PTPRT: variants seen among roughly 807,000 people sequenced by gnomAD.
PTPRT encodes the protein receptor-type tyrosine-protein phosphatase T.
A neutral mutation model predicts 176.8 loss-of-function variants in PTPRT; 56 were observed. That is an observed-to-expected ratio of 0.32 (90% CI 0.26 to 0.40). The LOEUF is 0.40. Ranked by LOEUF, PTPRT falls within the 10% of genes least tolerant of loss-of-function variation. The pLI, the probability that PTPRT is intolerant of heterozygous loss-of-function variation, is 1.00. For synonymous variants in PTPRT, 783 were observed against 739.0 expected (o/e 1.06, Z -0.96); for missense variants, 1,540 against 1,908.2 (o/e 0.81, Z 3.60).
At chr20:42,962,416 G>C (rs769727737) in intron 1 of PTPRT, among the ~76,000 whole-genome samples, 1 of 151,348 alleles carries the variant, frequency 6.6e-6, no homozygotes, top group Admixed American at 6.6e-5. Flanking sequence ...AGACAAAAGA[G>C]ATATGTTATA....
chr20:43,130,367 G>A (rs1194635254), intron 1 of PTPRT, among the ~76,000 whole-genome samples: 3 of 152,022 alleles, frequency 2.0e-5, no homozygotes, highest in Non-Finnish European at 4.4e-5. Context: ...CACCAGGTAG[G>A]AGCAGAAATA....
intron 11 of PTPRT, among the ~76,000 whole-genome samples, chr20:42,333,079 C>T (rs1162996696): frequency 1.3e-5 from 2 of 152,108 alleles, no homozygotes; most frequent in Non-Finnish European, 2.9e-5. Flanking sequence ...GAGGAGAATA[C>T]CCACAATGAT....
intron 7 of PTPRT, among the ~76,000 whole-genome samples, chr20:42,583,750 G>A (rs991526207): frequency 6.6e-6 from 1 of 152,118 alleles, no homozygotes. Flanking sequence ...TCTATTATGT[G>A]AATGTAAACC....
intron 6 of PTPRT, among the ~76,000 whole-genome samples, chr20:42,724,620 CT>C (rs2076351008): frequency 6.6e-6 from 1 of 152,162 alleles, no homozygotes; most frequent in Admixed American, 6.5e-5. Context: ...TTCCTCAATT[CT>C]GCTCATATCC....
intron 1 of PTPRT, among the ~76,000 whole-genome samples, chr20:42,939,150 T>G (rs144854306): frequency 1.1e-3 from 175 of 152,234 alleles, no homozygotes; most frequent in African/African-American, 4.1e-3. Flanking sequence ...ATTAAATGAG[T>G]TTTCCCCAAA....
In PTPRT at chr20:42,885,848, T is replaced by A; in HGVS notation, c.173A>T (p.Asn58Ile). The A allele has an allele frequency of 1.9e-6, 3 of 1,610,506 alleles. No individual in the cohort carries two copies. Among genetic ancestry groups the A allele is most frequent in the Non-Finnish European group, 1.7e-6 (2 of 1,177,624 alleles). The change falls in exon 2 of 31, where the codon AAC becomes ATC. Residue 58 changes from asparagine (N) to isoleucine (I), a missense_variant. Coordinates refer to ENST00000373187, the MANE Select transcript of PTPRT (RefSeq NM_007050.6). The stretch of plus-strand genomic sequence containing the variant: ...GTCCAGCATTGGTTTCTCCCATGTG[T>A]TAATCTGCTCCCAGGTGAACCCATT... Reference protein sequence around the residue: ...GTNGFTWEQINTWEKPMLDQA... With the variant: ...GTNGFTWEQIITWEKPMLDQA...
At position 42,104,652 on chromosome 20, in the gene PTPRT, C is replaced by T; in HGVS notation, c.3457G>A (p.Val1153Met). ...ACLCGNTAIP[V>M]CEFRSLYYNI... ...TAGTAGAGAGAACGGAACTCACACACAGGGATGGCAGTGTTGCCACAGAGG... is the reference window on the plus strand; with the variant it reads ...TAGTAGAGAGAACGGAACTCACACATAGGGATGGCAGTGTTGCCACAGAGG... Residue 1153 changes from valine (V) to methionine (M), a missense_variant, in exon 25 of 31, where the codon GTG becomes ATG. By Grantham distance (21) the Val-to-Met change is conservative (BLOSUM62 1). Around this residue, in one of 11 missense-constraint regions of PTPRT, gnomAD observed 342 missense variants for 394.0 expected, o/e 0.87. Coordinates refer to ENST00000373187, the MANE Select transcript of PTPRT (RefSeq NM_007050.6). The T allele has an allele frequency of 6.3e-7, 1 of 1,598,998 alleles. No homozygotes were observed. The highest frequency in any genetic ancestry group is 8.6e-7 in the Non-Finnish European group (1 of 1,166,184).
At position 42,186,336 on chromosome 20, in the gene PTPRT, G is replaced by A. The variant is rs143147067; in HGVS notation, c.2491+12904C>T. The stretch of plus-strand genomic sequence containing the variant: ...AGCTTTATTCTAATAAAGACAGAGT[G>A]CACTGGATTTGGCCTATGGGCCTCC... On this transcript the variant is annotated intron_variant, in intron 16 of 30. Coordinates refer to ENST00000373187, the MANE Select transcript of PTPRT (RefSeq NM_007050.6). Among the ~76,000 whole-genome samples the A allele has an allele frequency of 2.2e-4, 34 of 152,070 alleles. 1 individual carries two copies. The East Asian group carries it at 6.7e-3, about 30-fold the overall frequency.
At chr20:43,045,042 T>C (rs1320285160) in intron 1 of PTPRT, among the ~76,000 whole-genome samples, 1 of 152,154 alleles carries the variant, frequency 6.6e-6, no homozygotes, top group East Asian at 1.9e-4. Context: ...GGAAGGAACA[T>C]CTCCTCAGGA....
At chr20:42,250,171 C>T (rs533563009) in intron 13 of PTPRT, among the ~76,000 whole-genome samples, 2 of 152,342 alleles carry the variant, frequency 1.3e-5, no homozygotes, top group African/African-American at 2.4e-5. Flanking sequence ...TTTGTTTTCA[C>T]ATCTGTCTCC....
intron 15 of PTPRT, among the ~76,000 whole-genome samples, chr20:42,204,788 AGGAAT>A (rs2055410982): frequency 6.6e-6 from 1 of 151,878 alleles, no homozygotes; most frequent in African/African-American, 2.4e-5. Context: ...CTCACGGGAG[AGGAAT>A]GAAGGGCTGT....
At chr20:42,128,864 A>G (rs1987989375) in intron 18 of PTPRT, 34 bp from the exon 19 acceptor site, 1 of 1,561,698 alleles carries the variant, frequency 6.4e-7, no homozygotes, top group Non-Finnish European at 8.7e-7. Context: ...GGGATGGTTG[A>G]TAAGAGGCCT....
chr20:42,722,437 T>C (rs2076318094), intron 6 of PTPRT, among the ~76,000 whole-genome samples: 1 of 152,188 alleles, frequency 6.6e-6, no homozygotes, highest in South Asian at 2.1e-4. Flanking sequence ...GTCTCTTCTC[T>C]GATCTGACAT....
chr20:42,526,101 C>G (rs1207549090), intron 7 of PTPRT, among the ~76,000 whole-genome samples: 1 of 151,852 alleles, frequency 6.6e-6, no homozygotes, highest in Admixed American at 6.6e-5. Context: ...ATTAATTTTA[C>G]TTGATATATC....
intron 1 of PTPRT, among the ~76,000 whole-genome samples, chr20:43,171,835 A>G (rs549051923): frequency 1.1e-4 from 17 of 152,286 alleles, no homozygotes; most frequent in African/African-American, 3.4e-4. Context: ...GAACACAACC[A>G]TACCAGAAAG....
intron 30 of PTPRT, among the ~76,000 whole-genome samples, chr20:42,081,404 G>A (rs909104050): frequency 6.6e-6 from 1 of 152,140 alleles, no homozygotes; most frequent in Non-Finnish European, 1.5e-5. Context: ...AAAGCTCCTC[G>A]TGCATGGTGC....
intron 6 of PTPRT, among the ~76,000 whole-genome samples, chr20:42,700,011 T>A (rs1175130323): frequency 1.3e-5 from 2 of 152,178 alleles, no homozygotes; most frequent in African/African-American, 4.8e-5. Context: ...TCCTTCTCCC[T>A]GACAACAGCA....
At chr20:42,683,271 T>TTTTG (rs1555898542) in intron 6 of PTPRT, among the ~76,000 whole-genome samples, 1 of 149,280 alleles carries the variant, frequency 6.7e-6, no homozygotes, top group Non-Finnish European at 1.5e-5. Flanking sequence ...TTACTTGTTT[T>TTTTG]TTTTGTTTTG....
At chr20:42,483,853 T>C (rs2145342458) in intron 7 of PTPRT, among the ~76,000 whole-genome samples, 1 of 152,350 alleles carries the variant, frequency 6.6e-6, no homozygotes, top group African/African-American at 2.4e-5. Context: ...TCACATGTGC[T>C]CTACTGTCTG....
Sources: allele counts gnomAD v4.1 joint callset (sites outside exome capture counted in the v4.1 genomes callset), GRCh38; gene constraint gnomAD v4.1.1; regional missense constraint gnomAD v4.1.1; transcripts MANE v1.5; gene names NCBI Gene and HGNC (gene_info 2026-07-23, HGNC 2026-07-21).